ARPP19: variants seen among roughly 807,000 people sequenced by gnomAD.
ARPP19 encodes cAMP-regulated phosphoprotein 19.
ARPP19 carries 8 observed loss-of-function variants against 12.0 expected under a neutral mutation model. That is an observed-to-expected ratio of 0.67 (90% CI 0.39 to 1.21). The LOEUF (loss-of-function observed/expected upper bound fraction) is 1.21, where lower values mean the gene tolerates loss of function less well. Ranked by LOEUF, ARPP19 falls within the 50% of genes most tolerant of loss-of-function variation. The probability of loss-of-function intolerance (pLI) is 0.01; values close to 1 mark genes in which losing one functional copy is unlikely to be tolerated. For synonymous variants in ARPP19, 47 were observed against 50.4 expected, an observed-to-expected ratio of 0.93 and a Z score of 0.29; for missense variants, 102 against 136.3, an observed-to-expected ratio of 0.75 and a Z score of 1.25.
At position 52,548,853 on chromosome 15, in the gene ARPP19, T is replaced by C. The variant is rs565920471; in HGVS notation, c.*3081A>G. ...ATAAATATTCAGAGGTATAGTTTTG[T>C]TTCATCAAGTAAAAAGAGCAACTAA... is the stretch of plus-strand genomic sequence containing the variant. On this transcript the variant is annotated 3_prime_UTR_variant, in exon 3 of 3. Transcript: ENST00000249822. The C allele has an allele frequency of 6.5e-6, 1 of 152,678 alleles. No homozygotes were observed. Among genetic ancestry groups the C allele is most frequent in the African/African-American group, 2.4e-5 (1 of 41,456 alleles). The allele number at this position is 152,678 out of a possible 1,614,324, so 9.5% of individuals were successfully genotyped here.
intron 1 of ARPP19, among the ~76,000 whole-genome samples, chr15:52,567,617 T>C (rs1447112823): frequency 6.6e-6 from 1 of 152,186 alleles, no homozygotes; most frequent in African/African-American, 2.4e-5. Flanking sequence ...GCCCCCAAAA[T>C]CCATTTTTTT....
At chr15:52,552,437 C>T (rs1022764909) in intron 2 of ARPP19, among the ~76,000 whole-genome samples, 1 of 151,468 alleles carries the variant, frequency 6.6e-6, no homozygotes, top group Non-Finnish European at 1.5e-5. Context: ...AAAAAACAAA[C>T]ATTAGCTGGG....
At chr15:52,552,695 C>A (rs2141721072) in intron 2 of ARPP19, among the ~76,000 whole-genome samples, 1 of 151,550 alleles carries the variant, frequency 6.6e-6, no homozygotes. Context: ...TTTGGGAAGT[C>A]CCAGACTCAG....
chr15:52,557,481 G>A (rs1056573657), intron 1 of ARPP19: 3 of 356,562 alleles, frequency 8.4e-6, no homozygotes, highest in Non-Finnish European at 1.5e-5. Flanking sequence ...CAGCTCTGAA[G>A]TCTTGCTTGC....
chr15:52,565,987 TG>T (rs1566899205), intron 1 of ARPP19, among the ~76,000 whole-genome samples: 1 of 152,094 alleles, frequency 6.6e-6, no homozygotes, highest in African/African-American at 2.4e-5. Flanking sequence ...CCTGAGTAGC[TG>T]GAACTACAGG....
At position 52,548,612 on chromosome 15, in the gene ARPP19, A is replaced by G. The variant is rs11539782; in HGVS notation, c.*3322T>C. ...GTCCTGCTTATCCACACTGTATACTACCTGCCCCTTAGTCACTTAGTAGCC... is the reference window on the plus strand; with the variant it reads ...GTCCTGCTTATCCACACTGTATACTGCCTGCCCCTTAGTCACTTAGTAGCC... On this transcript the variant is annotated 3_prime_UTR_variant, in exon 3 of 3. Coordinates refer to ENST00000249822, the MANE Select transcript of ARPP19 (RefSeq NM_006628.6). 0.1 allele frequency: 15,626 copies of G among 152,436 alleles called. 885 individuals are homozygous for G. Among genetic ancestry groups the G allele is most frequent in the Middle Eastern group, 0.16 (62 of 386 alleles). The allele number at this position is 152,436 out of a possible 1,614,324, so 9.4% of individuals were successfully genotyped here. A position where few individuals can be genotyped will look rare whatever the true frequency, so the allele number is the denominator to read the frequency against.
chr15:52,552,705 G>C (rs2077946436), intron 2 of ARPP19, among the ~76,000 whole-genome samples: 1 of 151,400 alleles, frequency 6.6e-6, no homozygotes, highest in South Asian at 2.1e-4. Context: ...CCCAGACTCA[G>C]TGAAATAAAA....
chr15:52,555,796 T>C (rs531591753), intron 2 of ARPP19, among the ~76,000 whole-genome samples: 2 of 152,036 alleles, frequency 1.3e-5, no homozygotes, highest in African/African-American at 4.8e-5. Flanking sequence ...TTAAACATTT[T>C]TGCAATTTAG....
Position 52,550,851 on chromosome 15 carries a change from T to C in ARPP19, c.*1083A>G, listed in dbSNP as rs1256042657. 6.6e-6 allele frequency: 1 copy of C among 152,648 alleles called. No individual in the cohort carries two copies. Among genetic ancestry groups the C allele is most frequent in the Non-Finnish European group, 1.5e-5 (1 of 68,034 alleles). 9.5% of individuals were successfully genotyped at this position (152,648 alleles called of 1,614,324 possible). A position where few individuals can be genotyped will look rare whatever the true frequency, so the allele number is the denominator to read the frequency against. ...CAAAACTGAGTGTGGAAGTAAAAAG[T>C]TTCTACATTTAAAAAGTTTATATAA... On this transcript the variant is annotated 3_prime_UTR_variant, in exon 3 of 3. Transcript: ENST00000249822.
chr15:52,564,321 G>C, intron 1 of ARPP19: 1 of 1,090,206 alleles, frequency 9.2e-7, no homozygotes, highest in South Asian at 1.3e-5. Context: ...GCTGAGGTGG[G>C]AGGCTAGGTG....
rs758526930 is a variant in ARPP19 at position 52,568,897 on chromosome 15, C to A, written c.-5G>T. 7.6e-6 allele frequency: 12 copies of A among 1,573,226 alleles called. 1 individual carries two copies. The South Asian group carries it at 1.4e-4, about 18-fold the overall frequency. ...CTCGGGGACTTCCGCAGACATAGTG[C>A]TCCCTCTGCAGACGAGACGCCGGGA... On this transcript the variant is annotated 5_prime_UTR_variant, in exon 1 of 3. Transcript: ENST00000249822.
chr15:52,561,558 T>C, intron 1 of ARPP19, among the ~76,000 whole-genome samples: 1 of 152,156 alleles, frequency 6.6e-6, no homozygotes, highest in Admixed American at 6.5e-5. Flanking sequence ...AATTTTTACA[T>C]CTTGTTTAGT....
intron 2 of ARPP19, among the ~76,000 whole-genome samples, chr15:52,555,535 C>A (rs1045467659): frequency 6.6e-6 from 1 of 151,924 alleles, no homozygotes; most frequent in African/African-American, 2.4e-5. Flanking sequence ...TTAATCATTT[C>A]TCTGCTGTTG....
At chr15:52,552,571 G>C (rs1327916116) in intron 2 of ARPP19, among the ~76,000 whole-genome samples, 64 of 107,176 alleles carry the variant, frequency 6.0e-4, no homozygotes, top group African/African-American at 2.4e-3. Context: ...CTGGGCAACA[G>C]AGACTGTCTC....
chr15:52,568,199 C>G (rs539116189), intron 1 of ARPP19: 2 of 152,354 alleles, frequency 1.3e-5, no homozygotes, highest in South Asian at 4.1e-4. Context: ...AAATTCCACC[C>G]TTTCGATTTT....
At chr15:52,560,854 T>C (rs1301838434) in intron 1 of ARPP19, among the ~76,000 whole-genome samples, 2 of 152,218 alleles carry the variant, frequency 1.3e-5, no homozygotes, top group Admixed American at 6.5e-5. Flanking sequence ...CAGAGGGACA[T>C]ATGGCAGATA....
At chr15:52,558,522 T>C (rs1373013558) in intron 1 of ARPP19, among the ~76,000 whole-genome samples, 1 of 148,890 alleles carries the variant, frequency 6.7e-6, no homozygotes, top group Non-Finnish European at 1.5e-5. Context: ...TGTACTGAGA[T>C]AGATAAACCG....
chr15:52,568,740 A>C (rs2078110692), intron 1 of ARPP19, 108 bp downstream of exon 1: 1 of 702,022 alleles, frequency 1.4e-6, no homozygotes, highest in Non-Finnish European at 2.2e-6. Flanking sequence ...CCTCGGCCTC[A>C]TGCGCCTCGG....
Position 52,552,078 on chromosome 15 carries a change from G to A in ARPP19, c.195C>T (p.Tyr65=), listed in dbSNP as rs2077937747. 6.2e-7 allele frequency: 1 copy of A among 1,613,078 alleles called. No homozygotes were observed. Among genetic ancestry groups the A allele is most frequent in the Non-Finnish European group, 8.5e-7 (1 of 1,179,122 alleles). ...TCTTCATTTTTGCTTTAGCCATGTT[G>A]TAATCCCCAGAATCAAAATATTTTT... ...KGQKYFDSGD[Y]NMAKAKMKNK... is the part of the protein sequence containing the mutation. The change falls in exon 3 of 3, where the codon TAC becomes TAT. Residue 65 remains tyrosine (Y), a synonymous_variant. Coordinates refer to ENST00000249822, the MANE Select transcript of ARPP19 (RefSeq NM_006628.6).
Sources: gnomAD v4.1 joint callset for allele counts (sites outside exome capture counted in the v4.1 genomes callset) on GRCh38, gnomAD v4.1.1 for gene constraint, MANE v1.5 for transcripts, NCBI Gene and HGNC (gene_info 2026-07-23, HGNC 2026-07-21) for gene names.